Variants in LMBR1 observed in about 807,000 individuals in gnomAD.
LMBR1 encodes limb region 1 protein homolog.
A neutral mutation model predicts 73.9 loss-of-function variants in LMBR1; 52 were observed. The observed-to-expected ratio is 0.70, with a 90% confidence interval of 0.56 to 0.89. The LOEUF is 0.89. Ranked by LOEUF, LMBR1 falls within the 40% of genes least tolerant of loss-of-function variation. The probability of loss-of-function intolerance (pLI) is 0.00; values close to 1 mark genes in which losing one functional copy is unlikely to be tolerated. For synonymous variants in LMBR1, 215 were observed against 209.4 expected, an observed-to-expected ratio of 1.03 and a Z score of -0.23; for missense variants, 539 against 579.8, an observed-to-expected ratio of 0.93 and a Z score of 0.72.
Position 156,681,054 on chromosome 7 carries a change from T to G in LMBR1, c.*3024A>C, listed in dbSNP as rs1257438645. 2 of 389,708 alleles carry G rather than the reference T, an allele frequency of 5.1e-6. No homozygotes were observed. Among genetic ancestry groups the G allele is most frequent in the Non-Finnish European group, 9.7e-6 (2 of 206,856 alleles). The allele number at this position is 389,708 out of a possible 1,614,324, so 24.1% of individuals were successfully genotyped here. A position where few individuals can be genotyped will look rare whatever the true frequency, so the allele number is the denominator to read the frequency against. ...AACATTATACCAGTTTTTTCAAGTTTAAAAAGTCGGTGCTGCATCTATGTT... is the reference window on the plus strand; with the variant it reads ...AACATTATACCAGTTTTTTCAAGTTGAAAAAGTCGGTGCTGCATCTATGTT... On this transcript the variant is annotated 3_prime_UTR_variant, in exon 17 of 17. Transcript: ENST00000353442.
At chr7:156,856,334 G>C (rs1055769943) in intron 1 of LMBR1, among the ~76,000 whole-genome samples, 9 of 151,960 alleles carry the variant, frequency 5.9e-5, no homozygotes, top group African/African-American at 2.2e-4. Flanking sequence ...TTTTACTGGA[G>C]GCACAGGTGG....
At chr7:156,775,224 T>A (rs1394894503) in intron 5 of LMBR1, among the ~76,000 whole-genome samples, 9 of 151,332 alleles carry the variant, frequency 5.9e-5, no homozygotes. Flanking sequence ...AAAAATTAGC[T>A]GGGTGTGGTG....
intron 1 of LMBR1, among the ~76,000 whole-genome samples, chr7:156,845,618 C>G (rs1839457377): frequency 6.6e-6 from 1 of 151,602 alleles, no homozygotes; most frequent in African/African-American, 2.4e-5. Flanking sequence ...AGAGACATAC[C>G]AGACTGATGG....
At chr7:156,672,939 GGAGGGCTGTAAA>G (rs1209939106), downstream of LMBR1, among the ~76,000 whole-genome samples, 1 of 152,204 alleles carries the variant, frequency 6.6e-6, no homozygotes, top group Non-Finnish European at 1.5e-5. Context: ...AGAATCACCT[GGAGGGCTGTAAA>G]GCATATCGCA....
chr7:156,715,015 G>T (rs868402708), intron 15 of LMBR1, among the ~76,000 whole-genome samples: 3 of 150,222 alleles, frequency 2.0e-5, no homozygotes, highest in Admixed American at 2.0e-4. Flanking sequence ...GCAGTGGCAC[G>T]ATCTCAGGTC....
chr7:156,690,599 C>G (rs6978886), intron 15 of LMBR1, among the ~76,000 whole-genome samples: 23,943 of 152,128 alleles, frequency 0.16, 2,505 homozygotes, highest in African/African-American at 0.3. Context: ...AAGACTTAGA[C>G]ATATCTAGGC....
At chr7:156,882,822 G>A (rs957458899) in intron 1 of LMBR1, among the ~76,000 whole-genome samples, 1 of 152,094 alleles carries the variant, frequency 6.6e-6, no homozygotes, top group Non-Finnish European at 1.5e-5. Context: ...CACGAGGTCA[G>A]GAGTTCGAGA....
intron 1 of LMBR1, among the ~76,000 whole-genome samples, chr7:156,879,026 C>T (rs924387164): frequency 5.3e-5 from 8 of 152,142 alleles, no homozygotes; most frequent in African/African-American, 1.9e-4. Context: ...TCATCTCTCA[C>T]CTTATATAAA....
intron 9 of LMBR1, among the ~76,000 whole-genome samples, chr7:156,754,925 C>T (rs1423273385): frequency 6.6e-6 from 1 of 152,098 alleles, no homozygotes; most frequent in Non-Finnish European, 1.5e-5. Context: ...TGAAACAGTC[C>T]ACAGTGGCTA....
downstream of LMBR1, among the ~76,000 whole-genome samples, chr7:156,675,369 G>A (rs375125899): frequency 5.9e-5 from 9 of 152,328 alleles, no homozygotes; most frequent in Middle Eastern, 6.8e-3. Context: ...GGGGTGGGGA[G>A]AGGTCAGACG....
chr7:156,715,182 C>A (rs1812950988), intron 15 of LMBR1, among the ~76,000 whole-genome samples: 1 of 152,068 alleles, frequency 6.6e-6, no homozygotes, highest in Non-Finnish European at 1.5e-5. Flanking sequence ...GAACTACTGG[C>A]ATCAAGTGAC....
chr7:156,834,992 T>C (rs377760532), intron 2 of LMBR1, among the ~76,000 whole-genome samples: 1 of 152,094 alleles, frequency 6.6e-6, no homozygotes, highest in African/African-American at 2.4e-5. Flanking sequence ...ATACAAAAAT[T>C]AGCCAGGTGC....
chr7:156,796,394 T>C lies in LMBR1; in HGVS notation c.418A>G (p.Lys140Glu), dbSNP rs1830059317. Residue 140 changes from lysine to glutamate, a missense_variant, in exon 5 of 17, where the codon AAA (lysine) becomes GAA (glutamate). Lys to Glu is a moderately conservative substitution (Grantham distance 56, BLOSUM62 1). This residue lies in a region of LMBR1 where 454 missense variants were observed against 473.4 expected (regional missense o/e 0.96). Transcript: ENST00000353442. ...CCAATACTAGATTCACTTACCTTTT[T>C]CAGGCCAGCAAAGCCTTCTGATTCC... ...FLESEGFAGL[K>E]KGIRARILET... 1 of 1,597,552 alleles carries C rather than the reference T, an allele frequency of 6.3e-7. No individual in the cohort carries two copies.
At chr7:156,793,887 C>A (rs943945611) in intron 5 of LMBR1, among the ~76,000 whole-genome samples, 3 of 152,040 alleles carry the variant, frequency 2.0e-5, no homozygotes, top group Admixed American at 6.6e-5. Flanking sequence ...GAAAGCAACC[C>A]CGCGGTTTAG....
intron 15 of LMBR1, among the ~76,000 whole-genome samples, chr7:156,690,368 C>T (rs1585200316): frequency 6.6e-6 from 1 of 152,348 alleles, no homozygotes; most frequent in Admixed American, 6.5e-5. Flanking sequence ...AATGCACAAA[C>T]TCCACTTTGG....
At chr7:156,808,976 T>C (rs945152073) in intron 4 of LMBR1, among the ~76,000 whole-genome samples, 2 of 152,230 alleles carry the variant, frequency 1.3e-5, no homozygotes, top group Admixed American at 1.3e-4. Flanking sequence ...TATAACTTAC[T>C]TGTACATCTA....
At chr7:156,803,675 T>C (rs1831439063) in intron 4 of LMBR1, among the ~76,000 whole-genome samples, 1 of 152,098 alleles carries the variant, frequency 6.6e-6, no homozygotes, top group Non-Finnish European at 1.5e-5. Context: ...ATCATGCTGC[T>C]ATAAAGACAC....
chr7:156,684,059 A>C lies in LMBR1; in HGVS notation c.*19T>G. The C allele has an allele frequency of 6.3e-7, 1 of 1,595,062 alleles. No individual in the cohort carries two copies. The highest frequency in any genetic ancestry group is 8.6e-7 in the Non-Finnish European group (1 of 1,163,426). On this transcript the variant is annotated 3_prime_UTR_variant, in exon 17 of 17. Coordinates refer to ENST00000353442, the MANE Select transcript of LMBR1 (RefSeq NM_022458.4). ...GAGTTCTCGGGTCTCTTGGTGGCAGAAGACGCCGTCTGTGCGTCTCACAGT... is the reference window on the plus strand; with the variant it reads ...GAGTTCTCGGGTCTCTTGGTGGCAGCAGACGCCGTCTGTGCGTCTCACAGT...
chr7:156,696,193 A>C (rs749933098), intron 15 of LMBR1, among the ~76,000 whole-genome samples: 2 of 152,228 alleles, frequency 1.3e-5, no homozygotes, highest in Non-Finnish European at 2.9e-5. Flanking sequence ...ACAATCCATA[A>C]AAGAAAATTT....
Sources: allele counts gnomAD v4.1 joint callset (sites outside exome capture counted in the v4.1 genomes callset), GRCh38; gene constraint gnomAD v4.1.1; regional missense constraint gnomAD v4.1.1; transcripts MANE v1.5; gene names NCBI Gene and HGNC (gene_info 2026-07-23, HGNC 2026-07-21).